The following DHX29 variants were observed in gnomAD, a reference collection of about 807,000 sequenced individuals.
DHX29 encodes the protein DExH-box helicase 29.
A neutral mutation model predicts 167.9 loss-of-function variants in DHX29; 79 were observed. The observed-to-expected ratio is 0.47, with a 90% CI of 0.39 to 0.57. DHX29 has a LOEUF of 0.57. Ranked by LOEUF, DHX29 falls within the 20% of genes least tolerant of loss-of-function variation. The pLI, the probability that DHX29 is intolerant of heterozygous loss-of-function variation, is 0.00. For synonymous variants in DHX29, 530 were observed against 546.0 expected (o/e 0.97, Z 0.41); for missense variants, 1,347 against 1,593.4 (o/e 0.85, Z 2.63).
intron 11 of DHX29, among the ~76,000 whole-genome samples, chr5:55,282,062 A>C (rs542654660): frequency 6.6e-6 from 1 of 152,302 alleles, no homozygotes; most frequent in Non-Finnish European, 1.5e-5. Flanking sequence ...CTAGGATTAT[A>C]GGCGTGAGCC....
Position 55,307,410 on chromosome 5 carries a change from G to C in DHX29, c.164C>G (p.Ser55Cys), listed in dbSNP as rs1461991950. The part of the protein sequence containing the change: ...PATAAAAAAG[S>C]REPRVKQGPK... Reference sequence around the variant, plus strand: ...ACCTTGCTTGACACGGGGCTCCCTGGAGCCGGCAGCGGCAGCGGCAGCGGT... The same window carrying C: ...ACCTTGCTTGACACGGGGCTCCCTGCAGCCGGCAGCGGCAGCGGCAGCGGT... Residue 55 changes from serine to cysteine, a missense_variant, in exon 1 of 27, where the codon TCC becomes TGC. Around this residue, in one of 3 missense-constraint regions of DHX29, gnomAD observed 405 missense variants for 416.8 expected, o/e 0.97. Transcript: ENST00000251636. 1.2e-6 allele frequency: 2 copies of C among 1,613,038 alleles called. No individual in the cohort carries two copies. The highest frequency in any genetic ancestry group is 1.3e-5 in the African/African-American group (1 of 74,946).
chr5:55,299,313 T>C (rs1280304403), intron 1 of DHX29, among the ~76,000 whole-genome samples: 1 of 152,208 alleles, frequency 6.6e-6, no homozygotes, highest in Non-Finnish European at 1.5e-5. Context: ...AAGATATGAT[T>C]GTTGGCAGAG....
chr5:55,275,064 A>C, intron 14 of DHX29, 54 bp from the exon 15 acceptor site: 4 of 1,577,486 alleles, frequency 2.5e-6, no homozygotes, highest in Non-Finnish European at 3.4e-6. Context: ...TATTTTTGTA[A>C]GACAAAGAAG....
chr5:55,258,751 C>T (rs577657442), intron 26 of DHX29, among the ~76,000 whole-genome samples: 17 of 152,108 alleles, frequency 1.1e-4, no homozygotes, highest in Admixed American at 8.5e-4. Context: ...TGGCATCTCC[C>T]TATGTTACCG....
intron 1 of DHX29, among the ~76,000 whole-genome samples, chr5:55,305,420 G>A (rs188666570): frequency 1.8e-3 from 276 of 152,344 alleles, no homozygotes; most frequent in Admixed American, 4.1e-3. Context: ...ACTTGCTATA[G>A]TTGAATAGAG....
intron 26 of DHX29, among the ~76,000 whole-genome samples, chr5:55,258,466 C>A (rs1746154282): frequency 6.6e-6 from 1 of 152,188 alleles, no homozygotes; most frequent in African/African-American, 2.4e-5. Flanking sequence ...ACAGGCCTCT[C>A]CCATAGAGAT....
chr5:55,288,651 T>A (rs958605278), intron 8 of DHX29, among the ~76,000 whole-genome samples: 5 of 152,190 alleles, frequency 3.3e-5, no homozygotes, highest in African/African-American at 7.2e-5. Flanking sequence ...AACTCAAAAA[T>A]TTTTTAAAAA....
In DHX29 at chr5:55,283,689, G is replaced by A. The variant is rs777877304; in HGVS notation, c.1479C>T (p.Ala493=). The A allele has an allele frequency of 6.2e-6, 10 of 1,613,878 alleles. No individual in the cohort carries two copies. The highest frequency in any genetic ancestry group is 2.2e-5 in the South Asian group (2 of 91,074). The stretch of plus-strand genomic sequence containing the variant: ...GCTGTTTCAGTTTATTCAGAAGTTT[G>A]GCAATAAAAAGATCACGTGGTTTAT... The part of the protein sequence containing the change: ...ETNKPRDLFI[A]KLLNKLKQQQ... Residue 493 remains alanine (A), a synonymous_variant, in exon 11 of 27, where the codon GCC becomes GCT. Coordinates refer to ENST00000251636, the MANE Select transcript of DHX29 (RefSeq NM_019030.4).
chr5:55,270,147 C>T (rs950690664), intron 20 of DHX29, among the ~76,000 whole-genome samples: 1 of 151,926 alleles, frequency 6.6e-6, no homozygotes, highest in Non-Finnish European at 1.5e-5. Flanking sequence ...TGACATTGCC[C>T]AATGTCCCCT....
In DHX29 at chr5:55,261,383, G is replaced by A. The variant is rs1746306451; in HGVS notation, c.3945C>T (p.Gly1315=). 6.3e-7 allele frequency: 1 copy of A among 1,578,066 alleles called. No individual in the cohort carries two copies. Among genetic ancestry groups the A allele is most frequent in the Non-Finnish European group, 8.7e-7 (1 of 1,153,206 alleles). Residue 1315 remains glycine, a synonymous_variant, in exon 25 of 27, where the codon GGC becomes GGT. Transcript: ENST00000251636. ...TACTATGTACCTGAAAATAGATCCA[G>A]CCATCAATAGAAAGAAGACGTTCTC... is the stretch of plus-strand genomic sequence containing the variant. ...QHRERLLSID[G]WIYFQAPVKI...
intron 7 of DHX29, 56 bp downstream of exon 7, chr5:55,290,162 G>A: frequency 1.3e-6 from 2 of 1,559,324 alleles, no homozygotes; most frequent in Non-Finnish European, 1.7e-6. Context: ...ATCCCAGGAA[G>A]GCCAACAAAT....
chr5:55,278,594 C>G (rs1440871304), intron 12 of DHX29, among the ~76,000 whole-genome samples: 1 of 152,070 alleles, frequency 6.6e-6, no homozygotes, highest in African/African-American at 2.4e-5. Flanking sequence ...GTTTTCAGTG[C>G]AGTAAGAAGA....
In DHX29 at chr5:55,256,500, T is replaced by A. The variant is rs1428978149; in HGVS notation, c.4098A>T (p.Thr1366=). 1.3e-6 allele frequency: 2 copies of A among 1,596,358 alleles called. No homozygotes were observed. Among genetic ancestry groups the A allele is most frequent in the African/African-American group, 2.7e-5 (2 of 73,758 alleles). The part of the protein sequence containing the change: ...ILQIITELIK[T]ENN Reference sequence around the variant, plus strand: ...ATGAATTTCAGTTTCAGTTATTCTCTGTTTTTATCAATTCCGTAATGATCT... The same window carrying A: ...ATGAATTTCAGTTTCAGTTATTCTCAGTTTTTATCAATTCCGTAATGATCT... Residue 1366 remains threonine, a synonymous_variant, in exon 27 of 27, where the codon ACA becomes ACT. Transcript: ENST00000251636.
rs746852292 is a variant in DHX29 at position 55,285,701 on chromosome 5, T to C, written c.1227A>G (p.Lys409=). The change falls in exon 9 of 27, where the codon AAA becomes AAG. Residue 409 remains lysine (K), a synonymous_variant. Transcript: ENST00000251636. ...FEKVPVGRYW[K]CRVRVIKSED... ...AACAACAACAAAAAACATACCTACA[T>C]TTCCAGTATCTACCTACTGGAACTT... The C allele has an allele frequency of 1.3e-6, 2 of 1,558,978 alleles. No individual in the cohort carries two copies. Among genetic ancestry groups the C allele is most frequent in the Non-Finnish European group, 1.7e-6 (2 of 1,151,200 alleles).
At chr5:55,306,484 G>C (rs1165828451) in intron 1 of DHX29, among the ~76,000 whole-genome samples, 1 of 151,708 alleles carries the variant, frequency 6.6e-6, no homozygotes, top group South Asian at 2.1e-4. Flanking sequence ...GTCTTCCCTG[G>C]CTTTTCTTTG....
chr5:55,272,224 T>C (rs769642686), intron 17 of DHX29, 49 bp from the exon 18 acceptor site: 3 of 1,102,242 alleles, frequency 2.7e-6, no homozygotes, highest in Non-Finnish European at 3.9e-6. Context: ...TTCATGAATG[T>C]ATCATTATTT....
At chr5:55,279,262 T>C (rs1747275569) in intron 12 of DHX29, among the ~76,000 whole-genome samples, 1 of 152,176 alleles carries the variant, frequency 6.6e-6, no homozygotes, top group Non-Finnish European at 1.5e-5. Flanking sequence ...AAGACACTTT[T>C]ACTTTGGTGG....
chr5:55,262,731 A>G lies in DHX29; in HGVS notation c.3727T>C (p.Leu1243=), dbSNP rs924811738. ...TGGGCCGTCTCCACAATGCAAGCCA[A>G]TTTTTCTGTAACATCCACTGACTTT... The part of the protein sequence containing the change: ...YTKSVDVTEK[L]ACIVETAQGK... The change falls in exon 24 of 27, where the codon TTG becomes CTG. Residue 1243 remains leucine (L), a synonymous_variant. Transcript: ENST00000251636. The G allele has an allele frequency of 1.9e-6, 3 of 1,613,838 alleles. No individual in the cohort carries two copies. Among genetic ancestry groups the G allele is most frequent in the Admixed American group, 1.7e-5 (1 of 59,992 alleles).
intron 6 of DHX29, among the ~76,000 whole-genome samples, chr5:55,290,741 G>A (rs895428902): frequency 3.9e-5 from 6 of 152,222 alleles, no homozygotes; most frequent in African/African-American, 1.4e-4. Flanking sequence ...TCAGCCAGGT[G>A]TGGTGGCTCA....
Sources: gnomAD v4.1 joint callset for allele counts (sites outside exome capture counted in the v4.1 genomes callset) on GRCh38, gnomAD v4.1.1 for gene constraint, gnomAD v4.1.1 regional missense constraint, MANE v1.5 for transcripts, NCBI Gene and HGNC (gene_info 2026-07-23, HGNC 2026-07-21) for gene names.